SERPINE2: variants seen among roughly 807,000 people sequenced by gnomAD.
SERPINE2 encodes the protein glia-derived nexin.
Under a neutral mutation model 36.3 loss-of-function variants are expected in SERPINE2, and 14 were observed. The ratio of observed to expected loss-of-function variants is 0.39; its 90% CI spans 0.25 to 0.60. SERPINE2 has a LOEUF of 0.60. Among genes scored for constraint, SERPINE2 ranks in the 20% least tolerant of loss-of-function variants. SERPINE2 has a pLI of 0.57. For synonymous variants in SERPINE2, 192 were observed against 191.8 expected (o/e 1.00, Z -0.01); for missense variants, 418 against 499.6 (o/e 0.84, Z 1.56).
intron 1 of SERPINE2, chr2:224,031,556 T>G (rs1019613495): frequency 1.1e-6 from 1 of 950,522 alleles, no homozygotes; most frequent in Non-Finnish European, 1.3e-6. Flanking sequence ...GAAGGGCATG[T>G]GACCACGTGA....
At chr2:224,030,943 G>A in intron 1 of SERPINE2, 2 of 985,036 alleles carry the variant, frequency 2.0e-6, no homozygotes, top group East Asian at 1.1e-4. Context: ...GGAACTAGGG[G>A]GCCAAAGGCA....
intron 1 of SERPINE2, among the ~76,000 whole-genome samples, chr2:224,003,362 G>A (rs1392737870): frequency 1.3e-5 from 2 of 152,146 alleles, no homozygotes; most frequent in Non-Finnish European, 2.9e-5. Context: ...AACCCCTGGA[G>A]GATTTCAAAC....
chr2:224,022,430 C>T (rs1692036749), intron 1 of SERPINE2, among the ~76,000 whole-genome samples: 1 of 151,946 alleles, frequency 6.6e-6, no homozygotes, highest in Non-Finnish European at 1.5e-5. Flanking sequence ...ACTTAGTGTT[C>T]TTCCTTAGAT....
At chr2:224,026,429 T>C (rs1387106201) in intron 1 of SERPINE2, among the ~76,000 whole-genome samples, 1 of 152,226 alleles carries the variant, frequency 6.6e-6, no homozygotes, top group East Asian at 1.9e-4. Flanking sequence ...TAACCCCTTT[T>C]CATGAAGCAA....
At chr2:224,000,691 T>G (rs6742620) in intron 2 of SERPINE2, among the ~76,000 whole-genome samples, 1 of 151,700 alleles carries the variant, frequency 6.6e-6, no homozygotes, top group African/African-American at 2.4e-5. Flanking sequence ...CCCCTTGCCT[T>G]CCACCCCTCG....
chr2:224,032,127 C>G (rs1216285019), intron 1 of SERPINE2, among the ~76,000 whole-genome samples: 1 of 152,178 alleles, frequency 6.6e-6, no homozygotes, highest in Non-Finnish European at 1.5e-5. Context: ...GTAAGAATAA[C>G]TTCTTGAGTG....
chr2:224,032,372 T>C (rs1014058239), intron 1 of SERPINE2, among the ~76,000 whole-genome samples: 11 of 152,224 alleles, frequency 7.2e-5, no homozygotes, highest in Admixed American at 2.0e-4. Context: ...ATTTTTTCTA[T>C]AGCTATATTT....
chr2:223,980,387 G>A lies in SERPINE2; in HGVS notation c.996C>T (p.Asn332=). 1 of 1,613,938 alleles carries A rather than the reference G, an allele frequency of 6.2e-7. No individual in the cohort carries two copies. The highest frequency in any genetic ancestry group is 8.5e-7 in the Non-Finnish European group (1 of 1,179,812). ...ANFAKITRSE[N]LHVSHILQKA... is the part of the protein sequence containing the mutation. Reference sequence around the variant, plus strand: ...TTTGCAAGATATGAGAAACATGGAGGTTTTCTGACCCTGCTTCCAGAAAAT... The same window carrying A: ...TTTGCAAGATATGAGAAACATGGAGATTTTCTGACCCTGCTTCCAGAAAAT... The change falls in exon 7 of 9, where the codon AAC becomes AAT. Residue 332 remains asparagine (N), a synonymous_variant. Transcript: ENST00000409304.
chr2:223,994,220 T>C (rs1690789318), intron 3 of SERPINE2, among the ~76,000 whole-genome samples: 1 of 152,198 alleles, frequency 6.6e-6, no homozygotes, highest in Admixed American at 6.5e-5. Context: ...CACTGAGACC[T>C]GCATGAGACT....
At chr2:224,023,890 G>A (rs1035347023) in intron 1 of SERPINE2, among the ~76,000 whole-genome samples, 6 of 152,154 alleles carry the variant, frequency 3.9e-5, no homozygotes, top group African/African-American at 1.4e-4. Flanking sequence ...ACCCAGGCCT[G>A]TTGTAAGAAA....
intron 5 of SERPINE2, among the ~76,000 whole-genome samples, chr2:223,984,497 T>C (rs536388975): frequency 9.8e-5 from 15 of 152,370 alleles, no homozygotes; most frequent in African/African-American, 3.6e-4. Context: ...GAACTGCTTA[T>C]GCTCATGTGG....
rs1689978984 is a variant in SERPINE2, at chr2:223,975,654, A to C, written c.*213T>G. The C allele has an allele frequency of 4.8e-6, 2 of 415,744 alleles. No individual in the cohort carries two copies. The highest frequency in any genetic ancestry group is 8.1e-5 in the Admixed American group (2 of 24,746). 25.8% of individuals were successfully genotyped at this position (415,744 alleles called of 1,614,324 possible). A position where few individuals can be genotyped will look rare whatever the true frequency, so the allele number is the denominator to read the frequency against. ...TAGACATCTGGAAGCCTTTCTATTC[A>C]TTCCTCAGTACAGTGTTCCAGCCAT... On this transcript the variant is annotated 3_prime_UTR_variant, in exon 9 of 9. Transcript: ENST00000409304.
At chr2:224,036,122 G>T (rs1026760060) in intron 1 of SERPINE2, among the ~76,000 whole-genome samples, 1 of 152,154 alleles carries the variant, frequency 6.6e-6, no homozygotes, top group Non-Finnish European at 1.5e-5. Flanking sequence ...GCACCAGACT[G>T]CAGGTAACTG....
At chr2:224,023,254 C>G (rs187323994) in intron 1 of SERPINE2, among the ~76,000 whole-genome samples, 1 of 152,184 alleles carries the variant, frequency 6.6e-6, no homozygotes, top group Non-Finnish European at 1.5e-5. Flanking sequence ...GTTAGTCAGT[C>G]TCTCTGACCT....
chr2:223,993,581 C>A (rs1385752179), intron 3 of SERPINE2, among the ~76,000 whole-genome samples: 1 of 149,518 alleles, frequency 6.7e-6, no homozygotes, highest in Non-Finnish European at 1.5e-5. Flanking sequence ...TGTATAAATA[C>A]ATAATATAAA....
chr2:224,006,814 T>C (rs1052934793), intron 1 of SERPINE2, among the ~76,000 whole-genome samples: 2 of 151,808 alleles, frequency 1.3e-5, no homozygotes, highest in Non-Finnish European at 2.9e-5. Context: ...TGAAAAAGAG[T>C]GGACGTTCTA....
In SERPINE2 at chr2:224,009,420, C is replaced by A. The variant is rs551055935; in HGVS notation, c.-22-7498G>T. Among the ~76,000 whole-genome samples the A allele has an allele frequency of 6.6e-5, 10 of 152,256 alleles. No homozygotes were observed. In the South Asian group the frequency reaches 2.1e-3, roughly 32 times the overall value. On this transcript the variant is annotated intron_variant, in intron 1 of 8. Coordinates refer to ENST00000409304, the MANE Select transcript of SERPINE2 (RefSeq NM_001136528.2). ...CAAAGAAATAAATGTACAGGCCGGGCACGGTGGCTCAAGCCCGTAACCCCA... is the reference window on the plus strand; with the variant it reads ...CAAAGAAATAAATGTACAGGCCGGGAACGGTGGCTCAAGCCCGTAACCCCA...
chr2:223,990,237 C>T (rs772597909), intron 4 of SERPINE2, among the ~76,000 whole-genome samples: 6 of 152,190 alleles, frequency 3.9e-5, no homozygotes, highest in Middle Eastern at 3.4e-3. Flanking sequence ...AGGCATGAAT[C>T]GGGGAAAGTG....
At position 223,998,119 on chromosome 2, in the gene SERPINE2, G is replaced by A. The variant is rs751823477; in HGVS notation, c.483C>T (p.Thr161=). The part of the protein sequence containing the change: ...DSINAWVKNE[T]RDMIDNLLSP... ...TGACATACTGCGGCCACTCACCCCT[G>A]GTTTCATTTTTAACCCATGCATTGA... is the stretch of plus-strand genomic sequence containing the variant. The change falls in exon 3 of 9, where the codon ACC becomes ACT. Residue 161 remains threonine, a synonymous_variant. Transcript: ENST00000409304. 1.2e-6 allele frequency: 2 copies of A among 1,613,142 alleles called. No homozygotes were observed. Among genetic ancestry groups the A allele is most frequent in the South Asian group, 1.1e-5 (1 of 91,066 alleles).
Sources: allele counts gnomAD v4.1 joint callset (sites outside exome capture counted in the v4.1 genomes callset), GRCh38; gene constraint gnomAD v4.1.1; transcripts MANE v1.5; gene names NCBI Gene and HGNC (gene_info 2026-07-23, HGNC 2026-07-21).